The following RANBP2 variants were observed in gnomAD, a reference collection of about 807,000 sequenced individuals.
The protein encoded by RANBP2 is E3 SUMO-protein ligase RanBP2.
RANBP2 carries 57 observed loss-of-function variants against 303.6 expected under a neutral mutation model. The ratio of observed to expected loss-of-function variants is 0.19; its 90% CI spans 0.15 to 0.23. RANBP2 has a LOEUF of 0.23. Among genes scored for constraint, RANBP2 ranks in the 10% least tolerant of loss-of-function variants. The pLI is 1.00. For synonymous variants in RANBP2, 1,167 were observed against 1,301.5 expected, an observed-to-expected ratio of 0.90 and a Z score of 2.23; for missense variants, 3,138 against 3,780.8, an observed-to-expected ratio of 0.83 and a Z score of 4.46.
At chr2:109,589,225 C>T in the RANBP2 span, among the ~76,000 whole-genome samples, 1 of 152,108 alleles carries the variant, frequency 6.6e-6, no homozygotes, top group Admixed American at 6.6e-5. Flanking sequence ...ACACCGCAAC[C>T]TCCACCTCCC....
At chr2:108,786,760 C>G, downstream of RANBP2, 1 of 1,456,994 alleles carries the variant, frequency 6.9e-7, no homozygotes, top group Non-Finnish European at 9.4e-7. Context: ...GCACTGCGGC[C>G]GCGTAGCGCC....
the RANBP2 span, among the ~76,000 whole-genome samples, chr2:109,366,598 C>T: frequency 6.6e-6 from 1 of 152,188 alleles, no homozygotes; most frequent in Non-Finnish European, 1.5e-5. Context: ...CCTGTAATCC[C>T]AGCACTTTAG....
the RANBP2 span, among the ~76,000 whole-genome samples, chr2:108,852,865 C>T: frequency 6.6e-6 from 1 of 152,088 alleles, no homozygotes; most frequent in Non-Finnish European, 1.5e-5. Flanking sequence ...ACCTGTGTAA[C>T]AAACCTGCAC....
chr2:108,889,119 A>G, the RANBP2 span, among the ~76,000 whole-genome samples: 23 of 151,868 alleles, frequency 1.5e-4, no homozygotes, highest in Admixed American at 1.0e-3. Flanking sequence ...AAAGTTCCTC[A>G]TGGTATTGAT....
the RANBP2 span, among the ~76,000 whole-genome samples, chr2:109,018,765 A>G: frequency 0.14 from 21,915 of 152,158 alleles, 2,365 homozygotes; most frequent in African/African-American, 0.3. Context: ...TAGAGGAGCC[A>G]CTCAGACCCT....
intron 20 of RANBP2, among the ~76,000 whole-genome samples, chr2:108,770,773 A>G (rs1390715400): frequency 6.6e-6 from 1 of 152,258 alleles, no homozygotes; most frequent in Admixed American, 6.5e-5. Flanking sequence ...ATTAATATAA[A>G]AATTAATGAT....
At chr2:109,265,270 A>G in the RANBP2 span, among the ~76,000 whole-genome samples, 1 of 152,190 alleles carries the variant, frequency 6.6e-6, no homozygotes, top group East Asian at 1.9e-4. Context: ...GGGAGCTCTG[A>G]GGGCAGCTCG....
At chr2:108,916,335 G>A in the RANBP2 span, among the ~76,000 whole-genome samples, 2 of 152,174 alleles carry the variant, frequency 1.3e-5, no homozygotes, top group Non-Finnish European at 2.9e-5. Flanking sequence ...GCTGCTTCAG[G>A]TGACAGGGTT....
the RANBP2 span, among the ~76,000 whole-genome samples, chr2:109,338,138 AT>A: frequency 6.6e-6 from 1 of 152,114 alleles, no homozygotes; most frequent in Non-Finnish European, 1.5e-5. Flanking sequence ...GTCGGAAGTT[AT>A]TTGCTACCAA....
chr2:108,765,208 G>A lies in RANBP2; in HGVS notation c.4669G>A (p.Glu1557Lys). ...WDCSSCLVRN[E>K]ANATRCVACQ... ...TTGCAGTTCATGCTTAGTGCGAAATGAAGCAAATGCTACAAGATGTGTTGC... is the reference window on the plus strand; with the variant it reads ...TTGCAGTTCATGCTTAGTGCGAAATAAAGCAAATGCTACAAGATGTGTTGC... Residue 1557 changes from glutamate (E) to lysine (K), a missense_variant, in exon 20 of 29, where the codon GAA becomes AAA. This residue lies in a region of RANBP2 where 388 missense variants were observed against 328.5 expected (regional missense o/e 1.18). Transcript: ENST00000283195. 1 of 1,614,162 alleles carries A rather than the reference G, an allele frequency of 6.2e-7. No homozygotes were observed.
chr2:108,852,977 T>G, the RANBP2 span, among the ~76,000 whole-genome samples: 3 of 152,214 alleles, frequency 2.0e-5, no homozygotes, highest in African/African-American at 2.4e-5. Flanking sequence ...CAATTTTGTT[T>G]GTATCAAAGT....
At chr2:109,710,924 G>T in the RANBP2 span, among the ~76,000 whole-genome samples, 4 of 152,046 alleles carry the variant, frequency 2.6e-5, no homozygotes, top group Admixed American at 6.5e-5. Context: ...TGCTAAGGTG[G>T]CAAGGTAGGC....
the RANBP2 span, among the ~76,000 whole-genome samples, chr2:109,633,081 G>A: frequency 6.6e-6 from 1 of 151,988 alleles, no homozygotes; most frequent in South Asian, 2.1e-4. Context: ...AGTTTTGAAC[G>A]AAGACATGAT....
the RANBP2 span, among the ~76,000 whole-genome samples, chr2:109,014,746 C>T: frequency 6.6e-6 from 1 of 152,188 alleles, no homozygotes; most frequent in Non-Finnish European, 1.5e-5. Flanking sequence ...CCAGACACGG[C>T]TCTAGATCCC....
At chr2:109,258,516 G>T in the RANBP2 span, among the ~76,000 whole-genome samples, 1 of 152,140 alleles carries the variant, frequency 6.6e-6, no homozygotes, top group Non-Finnish European at 1.5e-5. Context: ...TGGCCAGGGC[G>T]GTGAGCCTCC....
At chr2:109,492,331 C>T in the RANBP2 span, among the ~76,000 whole-genome samples, 1 of 152,204 alleles carries the variant, frequency 6.6e-6, no homozygotes, top group Non-Finnish European at 1.5e-5. Flanking sequence ...TAGCGCCAAG[C>T]CTATGGGGCT....
At chr2:108,752,568 C>T (rs1340259448) in intron 12 of RANBP2, among the ~76,000 whole-genome samples, 1 of 141,068 alleles carries the variant, frequency 7.1e-6, no homozygotes, top group East Asian at 2.1e-4. Flanking sequence ...GTCAGGAGAT[C>T]GAGATCATTC....
chr2:108,843,869 TGTGTGTG>T, the RANBP2 span, among the ~76,000 whole-genome samples: 98 of 134,442 alleles, frequency 7.3e-4, 3 homozygotes, highest in African/African-American at 2.2e-3. Flanking sequence ...TGTGTGTGTG[TGTGTGTG>T]TGTTTCTTTC....
intron 4 of RANBP2, among the ~76,000 whole-genome samples, chr2:108,732,833 A>AT (rs757061868): frequency 1.3e-5 from 2 of 151,526 alleles, no homozygotes; most frequent in African/African-American, 2.4e-5. Context: ...TTCTTTTTTC[A>AT]TTTTTTTTGA....
Sources: allele counts gnomAD v4.1 joint callset (sites outside exome capture counted in the v4.1 genomes callset), GRCh38; gene constraint gnomAD v4.1.1; regional missense constraint gnomAD v4.1.1; transcripts MANE v1.5; gene names NCBI Gene and HGNC (gene_info 2026-07-23, HGNC 2026-07-21).